DLGAP1: variants seen among roughly 807,000 people sequenced by gnomAD.
DLGAP1 encodes the protein disks large-associated protein 1.
DLGAP1 carries 11 observed loss-of-function variants against 90.8 expected under a neutral mutation model. The ratio of observed to expected loss-of-function variants is 0.12; its 90% CI spans 0.08 to 0.20. DLGAP1 has a LOEUF of 0.20. Ranked by LOEUF, DLGAP1 falls within the 10% of genes least tolerant of loss-of-function variation. The probability of loss-of-function intolerance (pLI) is 1.00; values close to 1 mark genes in which losing one functional copy is unlikely to be tolerated. For missense variants in DLGAP1, 1,050 were observed against 1,333.8 expected (o/e 0.79, Z 3.31); for synonymous variants, 558 against 540.7 (o/e 1.03, Z -0.44).
At chr18:4,119,153 A>G (rs1032295351) in intron 2 of DLGAP1, among the ~76,000 whole-genome samples, 5 of 152,092 alleles carry the variant, frequency 3.3e-5, no homozygotes, top group Admixed American at 2.6e-4. Flanking sequence ...GTGCAGTGGC[A>G]TGATCACAGT....
chr18:4,022,228 T>C (rs4798156), intron 2 of DLGAP1, among the ~76,000 whole-genome samples: 43,429 of 151,848 alleles, frequency 0.29, 7,057 homozygotes, highest in African/African-American at 0.43. Context: ...AACTGCATGA[T>C]ATTTTATTAT....
chr18:3,561,987 G>A (rs2054148211), intron 9 of DLGAP1, among the ~76,000 whole-genome samples: 2 of 150,598 alleles, frequency 1.3e-5, no homozygotes, highest in South Asian at 4.2e-4. Context: ...CCAGCACTTT[G>A]GGAGGCCGAG....
At chr18:4,163,613 C>A (rs1173249974) in intron 1 of DLGAP1, among the ~76,000 whole-genome samples, 1 of 152,162 alleles carries the variant, frequency 6.6e-6, no homozygotes, top group Non-Finnish European at 1.5e-5. Context: ...AAAATGTCTG[C>A]TAAAATAGAG....
At chr18:3,994,300 G>C (rs117705093) in intron 3 of DLGAP1, among the ~76,000 whole-genome samples, 1 of 152,228 alleles carries the variant, frequency 6.6e-6, no homozygotes, top group Non-Finnish European at 1.5e-5. Flanking sequence ...AGTGCCCATA[G>C]GCTTGGGGAC....
At chr18:3,643,078 C>T (rs1384264618) in intron 7 of DLGAP1, among the ~76,000 whole-genome samples, 2 of 152,134 alleles carry the variant, frequency 1.3e-5, no homozygotes, top group Admixed American at 1.3e-4. Context: ...AATTATGGTA[C>T]AATCACCCAA....
intron 11 of DLGAP1, among the ~76,000 whole-genome samples, chr18:3,506,054 T>C (rs987062922): frequency 2.2e-4 from 34 of 152,076 alleles, no homozygotes; most frequent in Admixed American, 3.3e-4. Flanking sequence ...CTAGCCAACA[T>C]GGTGAAACCC....
At chr18:3,718,759 C>T (rs1371951395) in intron 7 of DLGAP1, among the ~76,000 whole-genome samples, 1 of 151,938 alleles carries the variant, frequency 6.6e-6, no homozygotes, top group African/African-American at 2.4e-5. Context: ...AACCCTGTCT[C>T]TAGTAAAAAT....
At chr18:4,224,475 G>T (rs2078143552) in intron 1 of DLGAP1, among the ~76,000 whole-genome samples, 1 of 152,168 alleles carries the variant, frequency 6.6e-6, no homozygotes, top group Non-Finnish European at 1.5e-5. Context: ...CCACATCCCT[G>T]AAGGGTGAGT....
intron 4 of DLGAP1, among the ~76,000 whole-genome samples, chr18:3,848,518 C>T (rs1178795028): frequency 1.3e-5 from 2 of 152,118 alleles, no homozygotes; most frequent in Non-Finnish European, 2.9e-5. Flanking sequence ...GCCAACTTCA[C>T]TTAGATACTT....
intron 3 of DLGAP1, among the ~76,000 whole-genome samples, chr18:3,892,885 G>A (rs114921830): frequency 0.046 from 6,734 of 147,332 alleles, 545 homozygotes; most frequent in African/African-American, 0.16. Flanking sequence ...TATATATAAA[G>A]AATTATAAAT....
intron 1 of DLGAP1, among the ~76,000 whole-genome samples, chr18:4,302,327 G>A (rs2080144648): frequency 6.6e-6 from 1 of 152,102 alleles, no homozygotes; most frequent in Non-Finnish European, 1.5e-5. Context: ...TGTATATGCT[G>A]TGAGATAAGG....
At chr18:3,662,224 AAAAAC>A (rs1259331245) in intron 7 of DLGAP1, among the ~76,000 whole-genome samples, 15 of 152,218 alleles carry the variant, frequency 9.9e-5, no homozygotes, top group Admixed American at 4.6e-4. Context: ...TGTGTTGAGT[AAAAAC>A]AAAACAAAAC....
At chr18:3,598,497 T>G (rs1371699607) in intron 7 of DLGAP1, 1 of 143,886 alleles carries the variant, frequency 6.9e-6, no homozygotes, top group African/African-American at 2.6e-5. Flanking sequence ...AGCCAGAGTC[T>G]GGCTCTGTCA....
intron 1 of DLGAP1, among the ~76,000 whole-genome samples, chr18:4,155,389 C>T (rs2076738820): frequency 6.6e-6 from 1 of 152,174 alleles, no homozygotes; most frequent in Non-Finnish European, 1.5e-5. Context: ...GATTTGCCCA[C>T]CCTGCTACTT....
intron 1 of DLGAP1, among the ~76,000 whole-genome samples, chr18:4,243,891 A>G (rs2078597377): frequency 6.6e-6 from 1 of 152,144 alleles, no homozygotes. Flanking sequence ...AGGTAGCTAT[A>G]TTTTGGAACA....
chr18:3,695,581 T>C (rs932084799), intron 7 of DLGAP1, among the ~76,000 whole-genome samples: 6 of 152,228 alleles, frequency 3.9e-5, no homozygotes, highest in Admixed American at 1.3e-4. Flanking sequence ...TTGGTACCCA[T>C]ACCATGCTGT....
rs571216078 is a variant in DLGAP1 at position 3,711,167 on chromosome 18, C to A, written c.1591+17968G>T. Among the ~76,000 whole-genome samples, 1 of 152,220 alleles carries A rather than the reference C, an allele frequency of 6.6e-6. No individual in the cohort carries two copies. The highest frequency in any genetic ancestry group is 1.5e-5 in the Non-Finnish European group (1 of 68,016). ...AGCCACAGAGTGTAAGAGGGCAGCA[C>A]AAAGGGAAGTAAAAACAAAGCCAAG... On this transcript the variant is annotated intron_variant, in intron 7 of 12. Transcript: ENST00000315677. This position sits in a 1 kb window ranked among gnomAD's most constrained non-coding sequence, Gnocchi z 4.0.
intron 7 of DLGAP1, among the ~76,000 whole-genome samples, chr18:3,701,589 G>T (rs1478648970): frequency 6.6e-6 from 1 of 152,206 alleles, no homozygotes; most frequent in East Asian, 1.9e-4. Context: ...AGAATCTGTG[G>T]TTTCAGCTAA....
chr18:3,785,952 T>A (rs1305037990), intron 5 of DLGAP1, among the ~76,000 whole-genome samples: 2 of 152,154 alleles, frequency 1.3e-5, no homozygotes, highest in Non-Finnish European at 2.9e-5. Context: ...TTTTCCCTCC[T>A]AGAGGCAGTC....
Sources: gnomAD v4.1 joint callset for allele counts (sites outside exome capture counted in the v4.1 genomes callset) on GRCh38, gnomAD v4.1.1 for gene constraint, Gnocchi (gnomAD v3.1) non-coding constraint, MANE v1.5 for transcripts, NCBI Gene and HGNC (gene_info 2026-07-23, HGNC 2026-07-21) for gene names.